TAFA2: variants seen among roughly 807,000 people sequenced by gnomAD.
TAFA2 encodes the protein chemokine-like protein TAFA-2.
TAFA2 carries 7 observed loss-of-function variants against 18.8 expected under a neutral mutation model. The observed-to-expected ratio is 0.37, with a 90% CI of 0.21 to 0.70. TAFA2 has a LOEUF of 0.70. TAFA2 is among the 30% of genes least tolerant of loss of function. The probability of loss-of-function intolerance (pLI) is 0.53; values close to 1 mark genes in which losing one functional copy is unlikely to be tolerated. For synonymous variants in TAFA2, 60 were observed against 54.2 expected (o/e 1.11, Z -0.47); for missense variants, 122 against 158.1 (o/e 0.77, Z 1.23).
intron 1 of TAFA2, chr12:62,252,025 C>T (rs2062916546): frequency 6.6e-6 from 1 of 152,206 alleles, no homozygotes; most frequent in South Asian, 2.1e-4. Flanking sequence ...TAGCGAGATA[C>T]ATAGATTCCA....
At chr12:62,144,047 TAAAAAAAAAAAA>T (rs34514238) in intron 1 of TAFA2, among the ~76,000 whole-genome samples, 2 of 79,176 alleles carry the variant, frequency 2.5e-5, no homozygotes, top group Non-Finnish European at 4.8e-5. Context: ...GACCCTATCT[TAAAAAAAAAAAA>T]AAAAAAAAAA....
chr12:61,843,172 AGGG>A (rs1873260104), intron 2 of TAFA2, among the ~76,000 whole-genome samples: 2 of 152,086 alleles, frequency 1.3e-5, no homozygotes, highest in Admixed American at 1.3e-4. Context: ...GGGGAAAAAG[AGGG>A]CAATCATGAA....
At chr12:62,209,813 G>T (rs1206656656) in intron 1 of TAFA2, among the ~76,000 whole-genome samples, 1 of 152,140 alleles carries the variant, frequency 6.6e-6, no homozygotes, top group Non-Finnish European at 1.5e-5. Flanking sequence ...CTTTGTTTTT[G>T]TAATCATTCT....
At chr12:61,895,511 G>A (rs1875803820) in intron 1 of TAFA2, among the ~76,000 whole-genome samples, 2 of 152,086 alleles carry the variant, frequency 1.3e-5, no homozygotes, top group East Asian at 3.9e-4. Context: ...TGATACCTGA[G>A]ATTTACTCAA....
chr12:62,217,465 A>G (rs1430055745), intron 1 of TAFA2, among the ~76,000 whole-genome samples: 1 of 152,216 alleles, frequency 6.6e-6, no homozygotes, highest in African/African-American at 2.4e-5. Flanking sequence ...TAATTACAGA[A>G]GATCAAGTGA....
At chr12:62,094,167 T>G (rs1172014899) in intron 1 of TAFA2, among the ~76,000 whole-genome samples, 1 of 152,102 alleles carries the variant, frequency 6.6e-6, no homozygotes, top group Non-Finnish European at 1.5e-5. Flanking sequence ...TTCAAAAATA[T>G]CTGTATAATT....
intron 1 of TAFA2, among the ~76,000 whole-genome samples, chr12:62,095,116 G>A (rs1273114468): frequency 6.6e-6 from 1 of 151,950 alleles, no homozygotes; most frequent in African/African-American, 2.4e-5. Context: ...GTCCTTCGTA[G>A]GACACTTACT....
At chr12:62,232,827 C>A (rs1273955623) in intron 1 of TAFA2, among the ~76,000 whole-genome samples, 7 of 151,950 alleles carry the variant, frequency 4.6e-5, no homozygotes, top group African/African-American at 1.7e-4. Context: ...CACGTCTTAT[C>A]CACCCACTGT....
chr12:61,910,082 TTGTG>T (rs373487943), intron 1 of TAFA2, among the ~76,000 whole-genome samples: 12 of 130,482 alleles, frequency 9.2e-5, no homozygotes, highest in Middle Eastern at 3.8e-3. Context: ...GTGTGCGTGC[TTGTG>T]TGTGTGTGTG....
At chr12:62,151,357 T>C (rs2062327315) in intron 1 of TAFA2, among the ~76,000 whole-genome samples, 1 of 152,228 alleles carries the variant, frequency 6.6e-6, no homozygotes, top group African/African-American at 2.4e-5. Context: ...GGTTAGTCCT[T>C]GGTTGAAAGT....
chr12:62,139,771 G>C (rs2062225376), intron 1 of TAFA2, among the ~76,000 whole-genome samples: 1 of 152,166 alleles, frequency 6.6e-6, no homozygotes, highest in South Asian at 2.1e-4. Flanking sequence ...CATTAGAGCT[G>C]CAAGGGATCT....
chr12:61,745,441 C>T (rs1427346533), intron 4 of TAFA2, among the ~76,000 whole-genome samples: 1 of 151,976 alleles, frequency 6.6e-6, no homozygotes, highest in Admixed American at 6.6e-5. Context: ...CACTTCTTCC[C>T]TCTGCCTGGA....
intron 1 of TAFA2, among the ~76,000 whole-genome samples, chr12:61,933,107 G>C (rs1459341175): frequency 6.6e-6 from 1 of 152,094 alleles, no homozygotes; most frequent in Non-Finnish European, 1.5e-5. Flanking sequence ...AGGAGTTCAG[G>C]GTAAAGGAGG....
At chr12:61,758,956 G>A (rs1249731844) in intron 2 of TAFA2, among the ~76,000 whole-genome samples, 2 of 151,924 alleles carry the variant, frequency 1.3e-5, no homozygotes, top group Admixed American at 6.6e-5. Flanking sequence ...TAGCTTCTGG[G>A]AGAACATTAT....
chr12:61,817,300 C>A (rs578108702), intron 2 of TAFA2, among the ~76,000 whole-genome samples: 2 of 152,138 alleles, frequency 1.3e-5, no homozygotes, highest in South Asian at 4.2e-4. Context: ...ATTTTCCTAA[C>A]CTACCTTCAT....
At chr12:61,886,376 C>T (rs555857814) in intron 1 of TAFA2, among the ~76,000 whole-genome samples, 1 of 152,230 alleles carries the variant, frequency 6.6e-6, no homozygotes, top group East Asian at 1.9e-4. Context: ...CACCCCCCTG[C>T]CCCCACTGCC....
At chr12:61,836,229 T>C in intron 2 of TAFA2, among the ~76,000 whole-genome samples, 1 of 151,954 alleles carries the variant, frequency 6.6e-6, no homozygotes, top group Non-Finnish European at 1.5e-5. Context: ...GCTATTTGAA[T>C]GTGAAATGCT....
At chr12:62,200,396 T>C (rs2062666232) in intron 1 of TAFA2, among the ~76,000 whole-genome samples, 1 of 152,238 alleles carries the variant, frequency 6.6e-6, no homozygotes, top group African/African-American at 2.4e-5. Flanking sequence ...GGACTTTACA[T>C]TTAAGTCTTT....
At chr12:61,987,302 T>C (rs536332744) in intron 1 of TAFA2, among the ~76,000 whole-genome samples, 11 of 152,346 alleles carry the variant, frequency 7.2e-5, no homozygotes, top group Admixed American at 5.9e-4. Flanking sequence ...AAAGTATCTC[T>C]GGTTTCTGTT....
Sources: allele counts gnomAD v4.1 joint callset (sites outside exome capture counted in the v4.1 genomes callset), GRCh38; gene constraint gnomAD v4.1.1; transcripts MANE v1.5; gene names NCBI Gene and HGNC (gene_info 2026-07-23, HGNC 2026-07-21).